The following CSGALNACT1 variants were observed in gnomAD, a reference collection of about 807,000 sequenced individuals.
CSGALNACT1 encodes chondroitin sulfate N-acetylgalactosaminyltransferase 1, also known as beta4GalNAcT-1.
CSGALNACT1 carries 52 observed loss-of-function variants against 51.0 expected under a neutral mutation model. The observed-to-expected ratio is 1.02, with a 90% CI of 0.82 to 1.29. The LOEUF (loss-of-function observed/expected upper bound fraction) is 1.29. Ranked by LOEUF, CSGALNACT1 falls within the 50% of genes most tolerant of loss-of-function variation. The pLI is 0.00. For missense variants in CSGALNACT1, 935 were observed against 679.2 expected (o/e 1.38, Z -4.19); for synonymous variants, 341 against 254.4 (o/e 1.34, Z -3.24).
intron 1 of CSGALNACT1, among the ~76,000 whole-genome samples, chr8:19,722,685 G>A (rs971063855): frequency 1.3e-5 from 2 of 152,170 alleles, no homozygotes; most frequent in Non-Finnish European, 2.9e-5. Context: ...AGTCATGGAT[G>A]GGCACTGGCC....
At chr8:19,521,144 A>G (rs924513168) in intron 3 of CSGALNACT1, among the ~76,000 whole-genome samples, 11 of 152,174 alleles carry the variant, frequency 7.2e-5, no homozygotes, top group South Asian at 2.1e-4. Context: ...ATTTCATCCT[A>G]TAGGTAACGG....
chr8:19,665,419 T>TA (rs2059105880), intron 1 of CSGALNACT1, among the ~76,000 whole-genome samples: 1 of 151,948 alleles, frequency 6.6e-6, no homozygotes, highest in Non-Finnish European at 1.5e-5. Context: ...GCTTGCTTCC[T>TA]AAGATAACGT....
chr8:19,568,004 T>A (rs942247469), intron 3 of CSGALNACT1, among the ~76,000 whole-genome samples: 4 of 151,950 alleles, frequency 2.6e-5, no homozygotes, highest in African/African-American at 9.7e-5. Flanking sequence ...CTCAGGTATG[T>A]ATATATGTTT....
intron 1 of CSGALNACT1, among the ~76,000 whole-genome samples, chr8:19,682,242 C>T (rs888812389): frequency 2.0e-5 from 3 of 152,100 alleles, no homozygotes; most frequent in Non-Finnish European, 4.4e-5. Flanking sequence ...ACTCCTGCCT[C>T]GGGTCCAGCA....
intron 6 of CSGALNACT1, among the ~76,000 whole-genome samples, chr8:19,421,339 G>T (rs1167684272): frequency 2.6e-5 from 4 of 152,232 alleles, no homozygotes; most frequent in Non-Finnish European, 4.4e-5. Flanking sequence ...CGCATTCGTT[G>T]TTCTTTCCCA....
intron 7 of CSGALNACT1, 146 bp from the exon 7 acceptor site, chr8:19,418,896 C>T: frequency 1.4e-6 from 1 of 696,550 alleles, no homozygotes; most frequent in Non-Finnish European, 2.6e-6. Context: ...ACCCAGGCTG[C>T]AATAGAGTGG....
In CSGALNACT1 at chr8:19,552,537, T is replaced by A. The variant is rs2088430562; in HGVS notation, c.-297+38623A>T. Among the ~76,000 whole-genome samples, 5 of 152,146 alleles carry A rather than the reference T, an allele frequency of 3.3e-5. No individual in the cohort carries two copies. In the South Asian group the frequency reaches 1.0e-3, roughly 32 times the overall value. On this transcript the variant is annotated intron_variant, in intron 3 of 9. Transcript: ENST00000454498. ...AACATCCTTCTATGGATAAGAAAGATGACTTTTAAAGCAAGCTCAGCTCAG... is the reference window on the plus strand; with the variant it reads ...AACATCCTTCTATGGATAAGAAAGAAGACTTTTAAAGCAAGCTCAGCTCAG...
intron 6 of CSGALNACT1, among the ~76,000 whole-genome samples, 160 bp downstream of exon 5, chr8:19,439,670 G>A (rs1025982163): frequency 6.6e-6 from 1 of 152,228 alleles, no homozygotes; most frequent in African/African-American, 2.4e-5. Flanking sequence ...TCCTGCGGAA[G>A]AGGAGTGCAG....
intron 8 of CSGALNACT1, among the ~76,000 whole-genome samples, chr8:19,417,847 C>T (rs565360877): frequency 6.6e-6 from 1 of 152,190 alleles, no homozygotes; most frequent in African/African-American, 2.4e-5. Context: ...ATGCTGTCAA[C>T]AATACCGGGA....
At chr8:19,645,275 AAC>A (rs2057156164) in intron 1 of CSGALNACT1, among the ~76,000 whole-genome samples, 1 of 152,244 alleles carries the variant, frequency 6.6e-6, no homozygotes, top group African/African-American at 2.4e-5. Context: ...AGCATGATGC[AAC>A]GGTATTAACA....
rs778018612 is a variant in CSGALNACT1, at chr8:19,505,186, T to A, written c.634+15A>T. The stretch of plus-strand genomic sequence containing the variant: ...CCTTTTCTTCTCCTTTCCCCCCAAT[T>A]CACAAAATGCTAACCTTCTATGAAA... On this transcript the variant is annotated intron_variant, in intron 4 of 9. Coordinates refer to ENST00000454498, the Ensembl canonical transcript of CSGALNACT1. The A allele has an allele frequency of 6.2e-7, 1 of 1,613,960 alleles. No homozygotes were observed. The highest frequency in any genetic ancestry group is 1.1e-5 in the South Asian group (1 of 91,070).
intron 3 of CSGALNACT1, among the ~76,000 whole-genome samples, chr8:19,513,687 T>A (rs570816256): frequency 5.9e-5 from 9 of 151,964 alleles, no homozygotes; most frequent in Non-Finnish European, 1.3e-4. Context: ...AGCTAGATGG[T>A]AGACCTACCG....
chr8:19,456,438 A>C (rs1344398822), intron 5 of CSGALNACT1, among the ~76,000 whole-genome samples: 1 of 152,242 alleles, frequency 6.6e-6, no homozygotes, highest in Non-Finnish European at 1.5e-5. Context: ...AGAAATGGGC[A>C]TTCTAGCTGC....
At chr8:19,458,505 T>A (rs745622006) in exon 5 of CSGALNACT1, 5 of 1,614,212 alleles carry the variant, frequency 3.1e-6, no homozygotes, top group Non-Finnish European at 8.5e-7. Context: ...GTGTTGGCCA[T>A]GTTGAGCTTT....
intron 1 of CSGALNACT1, among the ~76,000 whole-genome samples, chr8:19,663,995 A>G (rs1036233596): frequency 6.6e-6 from 1 of 152,152 alleles, no homozygotes; most frequent in Admixed American, 6.6e-5. Context: ...TTTTCCAATT[A>G]CCAGCAGACA....
At chr8:19,591,177 G>A (rs1036370954) in exon 3 of CSGALNACT1, 6 of 152,430 alleles carry the variant, frequency 3.9e-5, no homozygotes, top group Non-Finnish European at 7.3e-5. Flanking sequence ...CAAAGCCACA[G>A]CAGCAGCAAG....
intron 1 of CSGALNACT1, among the ~76,000 whole-genome samples, chr8:19,745,482 T>C (rs759498215): frequency 3.9e-5 from 6 of 152,196 alleles, no homozygotes; most frequent in Non-Finnish European, 5.9e-5. Context: ...TCAGAACTAA[T>C]CTTACCAAGT....
intron 3 of CSGALNACT1, chr8:19,532,126 G>A (rs537023287): frequency 4.6e-5 from 7 of 151,826 alleles, no homozygotes; most frequent in Admixed American, 1.3e-4. Context: ...CAGAGCCTTC[G>A]TCGCTGTTTC....
intron 3 of CSGALNACT1, among the ~76,000 whole-genome samples, chr8:19,573,339 G>A (rs1431210044): frequency 1.3e-5 from 2 of 152,224 alleles, no homozygotes; most frequent in Non-Finnish European, 2.9e-5. Flanking sequence ...AAATCCAGCA[G>A]TGGGCGGGTG....
Sources: gnomAD v4.1 joint callset for allele counts (sites outside exome capture counted in the v4.1 genomes callset) on GRCh38, gnomAD v4.1.1 for gene constraint, MANE v1.5 for transcripts, NCBI Gene and HGNC (gene_info 2026-07-23, HGNC 2026-07-21) for gene names.